LAMB4: variants seen among roughly 807,000 people sequenced by gnomAD.
LAMB4 encodes laminin subunit beta 4, also known as laminin subunit beta-4.
Under a neutral mutation model 199.2 loss-of-function variants are expected in LAMB4, and 196 were observed. The observed-to-expected ratio is 0.98, with a 90% CI of 0.88 to 1.11. The LOEUF (loss-of-function observed/expected upper bound fraction) is 1.11. Ranked by LOEUF, LAMB4 falls within the 50% of genes least tolerant of loss-of-function variation. The pLI, the probability that LAMB4 is intolerant of heterozygous loss-of-function variation, is 0.00. For synonymous variants in LAMB4, 744 were observed against 770.6 expected (o/e 0.97, Z 0.57); for missense variants, 2,080 against 2,171.2 (o/e 0.96, Z 0.83).
At chr7:108,101,526 T>C (rs1170298122) in intron 10 of LAMB4, among the ~76,000 whole-genome samples, 1 of 152,236 alleles carries the variant, frequency 6.6e-6, no homozygotes, top group Non-Finnish European at 1.5e-5. Flanking sequence ...CTTTTGTCTT[T>C]GGCCCAAGAG....
rs566580810 is a variant in LAMB4 at position 108,024,007 on chromosome 7, C to G, written c.*32G>C. The G allele has an allele frequency of 6.4e-7, 1 of 1,568,784 alleles. No individual in the cohort carries two copies. The highest frequency in any genetic ancestry group is 1.2e-5 in the South Asian group (1 of 81,422). On this transcript the variant is annotated 3_prime_UTR_variant, in exon 34 of 34. Transcript: ENST00000388781. ...GGGCTTGTACATCAGAAACCAGAAA[C>G]AAAGGCACAAGCTTTTGCTCTTTAA...
chr7:108,063,506 A>G (rs2036235711), intron 22 of LAMB4, among the ~76,000 whole-genome samples: 1 of 152,214 alleles, frequency 6.6e-6, no homozygotes, highest in African/African-American at 2.4e-5. Context: ...CCACTAGGAC[A>G]GGTATTTCAG....
chr7:108,091,556 G>A (rs1312691420), intron 14 of LAMB4, 70 bp downstream of exon 14: 1 of 1,509,038 alleles, frequency 6.6e-7, no homozygotes, highest in Non-Finnish European at 9.0e-7. Context: ...ACGATCTCAA[G>A]TATGTGCTCT....
Position 108,042,398 on chromosome 7 carries a change from C to G in LAMB4, c.4471+1354G>C, listed in dbSNP as rs2035449361. Among the ~76,000 whole-genome samples, 4 of 151,614 alleles carry G rather than the reference C, an allele frequency of 2.6e-5. No individual in the cohort carries two copies. The South Asian group carries it at 8.4e-4, about 32-fold the overall frequency. On this transcript the variant is annotated intron_variant, in intron 29 of 33. Coordinates refer to ENST00000388781, the MANE Select transcript of LAMB4 (RefSeq NM_007356.3). Reference sequence around the variant, plus strand: ...ATGAAGAGTAATAAGAGGACAGGCTCTATGACCCAGCAAACTAGATAGAAA... The same window carrying G: ...ATGAAGAGTAATAAGAGGACAGGCTGTATGACCCAGCAAACTAGATAGAAA...
rs775667114 is a variant in LAMB4, at chr7:108,068,084, A to G, written c.2378T>C (p.Leu793Pro). The G allele has an allele frequency of 1.9e-6, 3 of 1,614,002 alleles. No homozygotes were observed. Among genetic ancestry groups the G allele is most frequent in the South Asian group, 2.2e-5 (2 of 91,070 alleles). ...CCTGTCACAGCAGCGCCCGACCACA[A>G]GAGGTTTACACTGGCACTGGCCTCC... is the stretch of plus-strand genomic sequence containing the variant. ...RLGGQCQCKP[L>P]VVGRCCDRCS... Residue 793 changes from leucine to proline, a missense_variant, in exon 19 of 34, where the codon CTT (leucine) becomes CCT (proline). Coordinates refer to ENST00000388781, the MANE Select transcript of LAMB4 (RefSeq NM_007356.3).
chr7:108,073,295 C>T (rs575845574), intron 17 of LAMB4, among the ~76,000 whole-genome samples: 8 of 152,338 alleles, frequency 5.3e-5, no homozygotes, highest in South Asian at 2.1e-4. Context: ...CGTAAGCCAC[C>T]GCGCCCGGCC....
intron 21 of LAMB4, among the ~76,000 whole-genome samples, chr7:108,065,379 G>C (rs1293971553): frequency 6.6e-6 from 1 of 152,134 alleles, no homozygotes; most frequent in East Asian, 1.9e-4. Flanking sequence ...ATTATGTAAA[G>C]AAAGCATTTG....
intron 14 of LAMB4, among the ~76,000 whole-genome samples, chr7:108,088,080 G>C (rs2037252923): frequency 6.6e-6 from 1 of 152,000 alleles, no homozygotes; most frequent in African/African-American, 2.4e-5. Context: ...TTTCTCTTCA[G>C]TATTATCTTT....
intron 1 of LAMB4, among the ~76,000 whole-genome samples, chr7:108,123,621 T>C (rs148329463): frequency 1.3e-5 from 2 of 152,322 alleles, no homozygotes; most frequent in East Asian, 1.9e-4. Flanking sequence ...GGGCCATGAT[T>C]GCACCACTGC....
chr7:108,124,359 T>C (rs1387345875), intron 1 of LAMB4, among the ~76,000 whole-genome samples: 2 of 152,194 alleles, frequency 1.3e-5, no homozygotes, highest in Non-Finnish European at 2.9e-5. Context: ...CTGCTAAATC[T>C]TTGTTTATAG....
chr7:108,029,140 T>G lies in LAMB4; in HGVS notation c.5049A>C (p.Thr1683=). The G allele has an allele frequency of 6.2e-7, 1 of 1,613,918 alleles. No individual in the cohort carries two copies. Among genetic ancestry groups the G allele is most frequent in the Non-Finnish European group, 8.5e-7 (1 of 1,179,926 alleles). ...YAILQRKTST[T]GLTKETLGKV... ...TTCCTAATGTCTCCTTTGTTAGTCC[T>G]GTAGTGCTTGTCTTACGTTGGAGAA... Residue 1683 remains threonine, a synonymous_variant, in exon 33 of 34, where the codon ACA becomes ACC. Transcript: ENST00000388781.
chr7:108,125,556 T>TA (rs1350916130), intron 1 of LAMB4, among the ~76,000 whole-genome samples: 3 of 152,140 alleles, frequency 2.0e-5, no homozygotes, highest in African/African-American at 7.2e-5. Flanking sequence ...GTTGCTGGGG[T>TA]AAAGTGCTAC....
chr7:108,036,404 T>G (rs2035232041), intron 30 of LAMB4, among the ~76,000 whole-genome samples: 2 of 152,140 alleles, frequency 1.3e-5, no homozygotes, highest in Non-Finnish European at 2.9e-5. Flanking sequence ...GTCAGGCTGG[T>G]CTCGAATTCC....
rs76729672 is a variant in LAMB4, at chr7:108,082,967, G to A, written c.1702-3181C>T. On this transcript the variant is annotated intron_variant, in intron 14 of 33. Coordinates refer to ENST00000388781, the MANE Select transcript of LAMB4 (RefSeq NM_007356.3). ...TAACCGTGGTATAGTCCCACTTGCAGCTGTTGGGTTGGATGGAGTGTCTTT... is the reference window on the plus strand; with the variant it reads ...TAACCGTGGTATAGTCCCACTTGCAACTGTTGGGTTGGATGGAGTGTCTTT... 4.1e-3 allele frequency among the ~76,000 whole-genome samples: 618 copies of A among 152,344 alleles called. 7 individuals are homozygous for A. Among genetic ancestry groups the A allele is most frequent in the Non-Finnish European group, 7.0e-3 (478 of 68,034 alleles).
chr7:108,127,673 TC>T (rs2038842554), intron 1 of LAMB4, among the ~76,000 whole-genome samples: 1 of 152,092 alleles, frequency 6.6e-6, no homozygotes, highest in African/African-American at 2.4e-5. Flanking sequence ...ATTCACAGAC[TC>T]TGGGATGGGG....
chr7:108,090,375 A>G (rs746987635), intron 14 of LAMB4, among the ~76,000 whole-genome samples: 1 of 152,312 alleles, frequency 6.6e-6, no homozygotes, highest in Admixed American at 6.5e-5. Flanking sequence ...TTCTTTTGTC[A>G]TAGGTATTAT....
intron 22 of LAMB4, among the ~76,000 whole-genome samples, chr7:108,063,531 A>C (rs975712267): frequency 1.3e-5 from 2 of 152,218 alleles, no homozygotes; most frequent in African/African-American, 4.8e-5. Flanking sequence ...CAGACACAAA[A>C]GGCAAACTAA....
In LAMB4 at chr7:108,098,442, G is replaced by A; in HGVS notation, c.1321C>T (p.His441Tyr). The change falls in exon 11 of 34, where the codon CAC becomes TAC. Residue 441 changes from histidine to tyrosine, a missense_variant. His to Tyr is a moderately conservative substitution (Grantham distance 83). Transcript: ENST00000388781. ...GGGTCGGTGGCGCTTAGTCCGTAGT[G>A]GTTGGGTTTGCACTGGTCGCATTTG... ...GAKCDQCKPN[H>Y]YGLSATDPLG... is the part of the protein sequence containing the mutation. 1 of 1,536,532 alleles carries A rather than the reference G, an allele frequency of 6.5e-7. No individual in the cohort carries two copies. Among genetic ancestry groups the A allele is most frequent in the Non-Finnish European group, 8.8e-7 (1 of 1,141,430 alleles).
At chr7:108,079,555 A>G (rs1386592094) in intron 15 of LAMB4, 46 bp downstream of exon 15, 3 of 1,452,912 alleles carry the variant, frequency 2.1e-6, no homozygotes, top group Admixed American at 2.0e-5. Context: ...TCAAGAATGT[A>G]TTTCTGTCAG....
Sources: gnomAD v4.1 joint callset for allele counts (sites outside exome capture counted in the v4.1 genomes callset) on GRCh38, gnomAD v4.1.1 for gene constraint, MANE v1.5 for transcripts, NCBI Gene and HGNC (gene_info 2026-07-23, HGNC 2026-07-21) for gene names.